GFM1: variants seen among roughly 807,000 people sequenced by gnomAD.
The protein encoded by GFM1 is G elongation factor mitochondrial 1.
A neutral mutation model predicts 96.2 loss-of-function variants in GFM1; 62 were observed. That is an observed-to-expected ratio of 0.64 (90% CI 0.53 to 0.80). The LOEUF (loss-of-function observed/expected upper bound fraction) is 0.80, where lower values mean the gene tolerates loss of function less well. GFM1 is among the 30% of genes least tolerant of loss of function. The pLI is 0.00. For missense variants in GFM1, 852 were observed against 916.6 expected, an observed-to-expected ratio of 0.93 and a Z score of 0.91; for synonymous variants, 282 against 312.9, an observed-to-expected ratio of 0.90 and a Z score of 1.04.
chr3:158,644,659 G>T lies in GFM1; in HGVS notation c.25G>T (p.Val9Phe). The T allele has an allele frequency of 6.3e-7, 1 of 1,575,750 alleles. No homozygotes were observed. Among genetic ancestry groups the T allele is most frequent in the East Asian group, 2.3e-5 (1 of 43,340 alleles). The change falls in exon 1 of 18, where the codon GTC becomes TTC. Residue 9 changes from valine (V) to phenylalanine (F), a missense_variant. Physicochemically the swap from Val to Phe is conservative, Grantham distance 50. Transcript: ENST00000486715. ...CATGAGACTCCTGGGAGCTGCAGCC[G>T]TCGCGGCTCTGGGGCGCGGAAGGGC... is the stretch of plus-strand genomic sequence containing the variant. MRLLGAAA[V>F]AALGRGRAPA...
intron 13 of GFM1, chr3:158,669,485 A>G: frequency 6.2e-7 from 1 of 1,613,916 alleles, no homozygotes. Flanking sequence ...GTCTTTGATA[A>G]AATGTGTTGT....
intron 9 of GFM1, 54 bp downstream of exon 9, chr3:158,659,113 A>G (rs1032790431): frequency 1.9e-6 from 3 of 1,594,444 alleles, no homozygotes; most frequent in Admixed American, 3.3e-5. Context: ...GGTGAAATAG[A>G]CCCTTCTTGG....
At chr3:158,660,553 A>C in intron 9 of GFM1, 1 of 338,310 alleles carries the variant, frequency 3.0e-6, no homozygotes, top group Non-Finnish European at 5.6e-6. Flanking sequence ...CCGCCAGTAC[A>C]TGCCTTTTAA....
Position 158,691,696 on chromosome 3 carries a change from T to C in GFM1, c.*229T>C. On this transcript the variant is annotated 3_prime_UTR_variant, in exon 18 of 18. Transcript: ENST00000486715. ...TCTATTGATTGGTTTTATAGTTCAT[T>C]GAAAATCCTCAAATAAAATATAATT... is the stretch of plus-strand genomic sequence containing the variant. The C allele has an allele frequency of 2.5e-6, 1 of 393,052 alleles. No individual in the cohort carries two copies. Among genetic ancestry groups the C allele is most frequent in the East Asian group, 4.9e-5 (1 of 20,434 alleles). The allele number at this position is 393,052 out of a possible 1,614,324, so 24.3% of individuals were successfully genotyped here.
intron 1 of GFM1, 80 bp downstream of exon 1, chr3:158,644,795 C>A: frequency 1.6e-6 from 2 of 1,215,128 alleles, no homozygotes; most frequent in Non-Finnish European, 1.2e-6. Flanking sequence ...GGCCGTGACA[C>A]CCCCTGGGTC....
At position 158,690,183 on chromosome 3, in the gene GFM1, T is replaced by G; in HGVS notation, c.1930T>G (p.Cys644Gly). Residue 644 changes from cysteine (C) to glycine (G), a missense_variant, in exon 16 of 18, where the codon TGT (cysteine) becomes GGT (glycine). Cys to Gly is a radical substitution (Grantham distance 159). Coordinates refer to ENST00000486715, the MANE Select transcript of GFM1 (RefSeq NM_024996.7). ...CCCAGCCTTGGCAAATGCAACATTATGTATTCTTGAACCTATTATGGCTGT... is the reference window on the plus strand; with the variant it reads ...CCCAGCCTTGGCAAATGCAACATTAGGTATTCTTGAACCTATTATGGCTGT... ...LKQALANATL[C>G]ILEPIMAVEV... is the part of the protein sequence containing the mutation. The G allele has an allele frequency of 6.2e-7, 1 of 1,613,758 alleles. No individual in the cohort carries two copies.
chr3:158,682,364 G>T, intron 14 of GFM1: 3 of 536,162 alleles, frequency 5.6e-6, no homozygotes, highest in South Asian at 2.4e-5. Context: ...GACAATGATG[G>T]GAAATTATTA....
chr3:158,646,722 C>G (rs1721836049), intron 3 of GFM1, 21 bp from the exon 4 acceptor site: 1 of 1,602,068 alleles, frequency 6.2e-7, no homozygotes, highest in Non-Finnish European at 8.5e-7. Flanking sequence ...TTAAGACCCT[C>G]TCATACTTCA....
intron 13 of GFM1, among the ~76,000 whole-genome samples, chr3:158,675,056 A>G (rs1341816660): frequency 1.3e-5 from 2 of 152,202 alleles, no homozygotes; most frequent in Admixed American, 1.3e-4. Context: ...TGGGAGGCCA[A>G]CGCAGGTGGG....
At chr3:158,668,626 G>A (rs1455061310) in intron 13 of GFM1, among the ~76,000 whole-genome samples, 1 of 152,228 alleles carries the variant, frequency 6.6e-6, no homozygotes, top group Non-Finnish European at 1.5e-5. Context: ...TAGATACTGT[G>A]TATTAACAGG....
At chr3:158,655,243 T>C (rs1232161591) in intron 8 of GFM1, among the ~76,000 whole-genome samples, 1 of 150,744 alleles carries the variant, frequency 6.6e-6, no homozygotes, top group Non-Finnish European at 1.5e-5. Context: ...AGGTCAGGAG[T>C]GGGAGGCCAA....
chr3:158,688,582 CCTT>C (rs1006392097), intron 15 of GFM1, among the ~76,000 whole-genome samples: 14 of 152,276 alleles, frequency 9.2e-5, no homozygotes, highest in African/African-American at 3.1e-4. Context: ...TCACATATCT[CCTT>C]CTGGGTGCTT....
At chr3:158,664,816 G>T (rs149027083) in intron 11 of GFM1, among the ~76,000 whole-genome samples, 1 of 152,138 alleles carries the variant, frequency 6.6e-6, no homozygotes, top group African/African-American at 2.4e-5. Context: ...TGCTTACCAC[G>T]CGGGATTACA....
At position 158,671,055 on chromosome 3, in the gene GFM1, A is replaced by G. The variant is rs76064885; in HGVS notation, c.1601+4669A>G. 1,012 of 1,481,848 alleles carry G rather than the reference A, an allele frequency of 6.8e-4. 11 individuals are homozygous for G. The East Asian group carries it at 0.022, about 33-fold the overall frequency. The allele number at this position is 1,481,848 out of a possible 1,614,324, so 91.8% of individuals were successfully genotyped here. ...GAAAATGTAGTGGAGACAAGAAAAT[A>G]TTATAACAACATTATACTTGCATTG... On this transcript the variant is annotated intron_variant, in intron 13 of 17. Transcript: ENST00000486715.
intron 10 of GFM1, among the ~76,000 whole-genome samples, chr3:158,662,089 C>G (rs577097034): frequency 6.6e-6 from 1 of 152,264 alleles, no homozygotes; most frequent in Non-Finnish European, 1.5e-5. Flanking sequence ...CACCTTTGCC[C>G]TATACTACCT....
At chr3:158,690,400 A>G in intron 16 of GFM1, 77 bp downstream of exon 16, 1 of 1,366,266 alleles carries the variant, frequency 7.3e-7, no homozygotes, top group Non-Finnish European at 1.0e-6. Context: ...TGTTTTTGCA[A>G]ATGGACACAT....
In GFM1 at chr3:158,645,539, G is replaced by A. The variant is rs560898448; in HGVS notation, c.82-90G>A. 3.8e-5 allele frequency: 42 copies of A among 1,102,760 alleles called. No homozygotes were observed. The African/African-American group carries it at 6.1e-4, about 16-fold the overall frequency. 68.3% of individuals were successfully genotyped at this position (1,102,760 alleles called of 1,614,324 possible). The stretch of plus-strand genomic sequence containing the variant: ...TATCTCATATCCAGTGAGATTTCTT[G>A]GAGGAATAATGTCCACCATACTCCT... On this transcript the variant is annotated intron_variant, in intron 1 of 17. Transcript: ENST00000486715.
intron 8 of GFM1, among the ~76,000 whole-genome samples, chr3:158,657,817 A>G (rs955753897): frequency 2.2e-4 from 33 of 152,008 alleles, no homozygotes; most frequent in African/African-American, 7.0e-4. Context: ...TTTATCATCT[A>G]TTGACAAATA....
At chr3:158,653,862 G>A (rs1722505177) in intron 7 of GFM1, among the ~76,000 whole-genome samples, 1 of 152,066 alleles carries the variant, frequency 6.6e-6, no homozygotes, top group African/African-American at 2.4e-5. Flanking sequence ...CCTGAGGTTG[G>A]GAGTTTGAGA....
Sources: gnomAD v4.1 joint callset for allele counts (sites outside exome capture counted in the v4.1 genomes callset) on GRCh38, gnomAD v4.1.1 for gene constraint, MANE v1.5 for transcripts, NCBI Gene and HGNC (gene_info 2026-07-23, HGNC 2026-07-21) for gene names.